SMOC2: variants seen among roughly 807,000 people sequenced by gnomAD.
The protein encoded by SMOC2 is SPARC-related modular calcium-binding protein 2.
A neutral mutation model predicts 61.4 loss-of-function variants in SMOC2; 39 were observed. The observed-to-expected ratio is 0.64, with a 90% CI of 0.49 to 0.83. SMOC2 has a LOEUF of 0.83. Among genes scored for constraint, SMOC2 ranks in the 40% least tolerant of loss-of-function variants. The pLI, the probability that SMOC2 is intolerant of heterozygous loss-of-function variation, is 0.00. For synonymous variants in SMOC2, 247 were observed against 239.9 expected (o/e 1.03, Z -0.27); for missense variants, 556 against 592.9 (o/e 0.94, Z 0.65).
intron 2 of SMOC2, among the ~76,000 whole-genome samples, chr6:168,517,702 T>G (rs533792677): frequency 1.8e-4 from 28 of 152,308 alleles, no homozygotes; most frequent in East Asian, 1.5e-3. Context: ...GCTCGCAGCT[T>G]CTTCTCAGCA....
At chr6:168,469,809 G>A (rs1781931416) in intron 1 of SMOC2, among the ~76,000 whole-genome samples, 2 of 152,194 alleles carry the variant, frequency 1.3e-5, no homozygotes, top group African/African-American at 4.8e-5. Flanking sequence ...AGCCTCGTTA[G>A]GAGTGCTCCC....
At chr6:168,599,294 A>G (rs1309931665) in intron 8 of SMOC2, among the ~76,000 whole-genome samples, 4 of 83,368 alleles carry the variant, frequency 4.8e-5, no homozygotes, top group Non-Finnish European at 1.0e-4. Flanking sequence ...CCACACACAC[A>G]CATACCACAC....
chr6:168,497,958 C>T (rs1583058343), intron 1 of SMOC2, among the ~76,000 whole-genome samples: 2 of 152,240 alleles, frequency 1.3e-5, no homozygotes, highest in African/African-American at 2.4e-5. Flanking sequence ...AGGCCCCTGA[C>T]CTTTACCGCT....
chr6:168,559,338 C>T (rs1037274858), intron 7 of SMOC2, among the ~76,000 whole-genome samples: 5 of 151,844 alleles, frequency 3.3e-5, no homozygotes, highest in African/African-American at 1.2e-4. Context: ...GCCTATAATC[C>T]CAGATACTCA....
At chr6:168,469,825 G>A (rs1044264335) in intron 1 of SMOC2, among the ~76,000 whole-genome samples, 7 of 152,190 alleles carry the variant, frequency 4.6e-5, no homozygotes, top group African/African-American at 1.7e-4. Flanking sequence ...CTCCCTCACT[G>A]CTTCAAGATG....
chr6:168,441,745 G>A (rs927647166), intron 1 of SMOC2, among the ~76,000 whole-genome samples: 1 of 152,174 alleles, frequency 6.6e-6, no homozygotes, highest in East Asian at 1.9e-4. Flanking sequence ...TGCCTCGGGG[G>A]CTCTGACCCG....
At chr6:168,574,291 C>A (rs1312323955) in intron 7 of SMOC2, among the ~76,000 whole-genome samples, 2 of 152,186 alleles carry the variant, frequency 1.3e-5, no homozygotes, top group Non-Finnish European at 2.9e-5. Context: ...CTCCAGGACC[C>A]TGCAGGCCGG....
In SMOC2 at chr6:168,653,243, A is replaced by C; in HGVS notation, c.1285+15A>C. The C allele has an allele frequency of 2.5e-6, 2 of 812,080 alleles. No homozygotes were observed. 50.3% of individuals were successfully genotyped at this position (812,080 alleles called of 1,614,324 possible). Reference sequence around the variant, plus strand: ...GAAACGCCACAGTAAGAGCTTTCCCACCCCCGACCCTGGGCAGTGGTCAGG... The same window carrying C: ...GAAACGCCACAGTAAGAGCTTTCCCCCCCCCGACCCTGGGCAGTGGTCAGG... On this transcript the variant is annotated intron_variant, in intron 11 of 12. Transcript: ENST00000356284.
At chr6:168,602,990 A>C (rs181755912) in intron 8 of SMOC2, among the ~76,000 whole-genome samples, 166 of 152,272 alleles carry the variant, frequency 1.1e-3, no homozygotes, top group African/African-American at 3.4e-3. Flanking sequence ...CATAATCCCC[A>C]CATGTCGTGG....
rs1284047069 is a variant in SMOC2 at position 168,453,297 on chromosome 6, C to T, written c.84+11843C>T. Among the ~76,000 whole-genome samples the T allele has an allele frequency of 6.6e-6, 1 of 152,192 alleles. No homozygotes were observed. The highest frequency in any genetic ancestry group is 1.5e-5 in the Non-Finnish European group (1 of 68,032). The stretch of plus-strand genomic sequence containing the variant: ...GGGTGTGGTGGCCTCAAGGCTCCGT[C>T]ACCCTGCGGCCCTGTCATTTCGGGC... On this transcript the variant is annotated intron_variant, in intron 1 of 12. Coordinates refer to ENST00000356284, the MANE Select transcript of SMOC2 (RefSeq NM_001166412.2). This position sits in a 1 kb window ranked among gnomAD's most constrained non-coding sequence, Gnocchi z 4.4.
intron 9 of SMOC2, among the ~76,000 whole-genome samples, chr6:168,636,199 A>G (rs1043417544): frequency 6.6e-6 from 1 of 152,166 alleles, no homozygotes; most frequent in African/African-American, 2.4e-5. Flanking sequence ...AGGTGTCCTC[A>G]TTCCTGGGAG....
intron 8 of SMOC2, among the ~76,000 whole-genome samples, chr6:168,605,639 C>T (rs772158113): frequency 1.3e-5 from 2 of 152,074 alleles, no homozygotes; most frequent in African/African-American, 2.4e-5. Flanking sequence ...GGAACAAAAC[C>T]GAAATGCCCG....
At chr6:168,532,322 C>T (rs1460253577) in intron 4 of SMOC2, among the ~76,000 whole-genome samples, 3 of 152,158 alleles carry the variant, frequency 2.0e-5, no homozygotes, top group Admixed American at 6.5e-5. Context: ...TCATGTCCTT[C>T]GTCCTGGGAT....
intron 2 of SMOC2, among the ~76,000 whole-genome samples, chr6:168,522,605 G>A (rs567125452): frequency 6.8e-4 from 104 of 152,258 alleles, no homozygotes; most frequent in African/African-American, 2.3e-3. Flanking sequence ...AGGATACCTC[G>A]TGTATGATTA....
intron 9 of SMOC2, among the ~76,000 whole-genome samples, chr6:168,610,609 C>G (rs1181896440): frequency 6.6e-6 from 1 of 152,184 alleles, no homozygotes; most frequent in Non-Finnish European, 1.5e-5. Flanking sequence ...TGTAGGTCCT[C>G]TATTTTCCAT....
At chr6:168,653,326 C>G (rs542988655) in intron 11 of SMOC2, 98 bp downstream of exon 11, 1 of 1,417,904 alleles carries the variant, frequency 7.1e-7, no homozygotes, top group Non-Finnish European at 9.6e-7. Flanking sequence ...TGTTTATGGC[C>G]TGGGAGTGCA....
chr6:168,616,258 G>A lies in SMOC2; in HGVS notation c.907+8019G>A, dbSNP rs187419039. On this transcript the variant is annotated intron_variant, in intron 9 of 12. Transcript: ENST00000356284. ...CTTCAGGCTTTAGAAACATACTACT[G>A]TAATTCTGGGGATGTGAGTAGTTAG... Among the ~76,000 whole-genome samples, 518 of 152,330 alleles carry A rather than the reference G, an allele frequency of 3.4e-3. 2 individuals carry two copies. The highest frequency in any genetic ancestry group is 0.01 in the Middle Eastern group (3 of 294).
At chr6:168,536,919 TGTCTGAA>T (rs2115089711) in intron 4 of SMOC2, among the ~76,000 whole-genome samples, 1 of 152,314 alleles carries the variant, frequency 6.6e-6, no homozygotes, top group Non-Finnish European at 1.5e-5. Flanking sequence ...GTGTTGTGTG[TGTCTGAA>T]GCCTAGGGTA....
At chr6:168,503,844 G>A (rs1441113399) in intron 1 of SMOC2, among the ~76,000 whole-genome samples, 2 of 152,086 alleles carry the variant, frequency 1.3e-5, no homozygotes, top group African/African-American at 2.4e-5. Flanking sequence ...TCAAAAAAAC[G>A]CACCACAAAA....
Sources: gnomAD v4.1 joint callset for allele counts (sites outside exome capture counted in the v4.1 genomes callset) on GRCh38, gnomAD v4.1.1 for gene constraint, Gnocchi (gnomAD v3.1) non-coding constraint, MANE v1.5 for transcripts, NCBI Gene and HGNC (gene_info 2026-07-23, HGNC 2026-07-21) for gene names.